CSRNP3: variants seen among roughly 807,000 people sequenced by gnomAD.
CSRNP3 encodes the protein cysteine and serine rich nuclear protein 3.
Under a neutral mutation model 48.0 loss-of-function variants are expected in CSRNP3, and 12 were observed. The observed-to-expected ratio is 0.25, with a 90% confidence interval of 0.16 to 0.41. The LOEUF (loss-of-function observed/expected upper bound fraction) is 0.41. CSRNP3 is among the 10% of genes least tolerant of loss of function. The pLI, the probability that CSRNP3 is intolerant of heterozygous loss-of-function variation, is 1.00. For missense variants in CSRNP3, 580 were observed against 724.4 expected, an observed-to-expected ratio of 0.80 and a Z score of 2.29; for synonymous variants, 263 against 269.7, an observed-to-expected ratio of 0.98 and a Z score of 0.24.
intron 4 of CSRNP3, among the ~76,000 whole-genome samples, chr2:165,634,840 G>A (rs1428470886): frequency 1.3e-5 from 2 of 152,334 alleles, no homozygotes; most frequent in East Asian, 1.9e-4. Flanking sequence ...TCTCACACTG[G>A]TATGGTTGCC....
chr2:165,479,496 A>C (rs751379224), intron 1 of CSRNP3, among the ~76,000 whole-genome samples: 1 of 152,210 alleles, frequency 6.6e-6, no homozygotes, highest in Non-Finnish European at 1.5e-5. Flanking sequence ...TGCCTATCTT[A>C]TATGGCTATG....
rs144317228 is a variant in CSRNP3 at position 165,674,865 on chromosome 2, C to T, written c.409-1447C>T. On this transcript the variant is annotated intron_variant, in intron 5 of 6. Coordinates refer to ENST00000651982, the MANE Select transcript of CSRNP3 (RefSeq NM_001172173.2). ...AGCTGGGACTACAGGCACCCACCAC[C>T]ATGCCCAGCTAATTTTTGTGAATTT... 5.5e-4 allele frequency among the ~76,000 whole-genome samples: 84 copies of T among 151,640 alleles called. No individual in the cohort carries two copies. The East Asian group carries it at 7.2e-3, about 13-fold the overall frequency.
intron 2 of CSRNP3, among the ~76,000 whole-genome samples, chr2:165,513,230 G>A (rs1684531647): frequency 6.6e-6 from 1 of 152,308 alleles, no homozygotes; most frequent in South Asian, 2.1e-4. Flanking sequence ...TGTGCTGGTT[G>A]CAGGCATATT....
intron 3 of CSRNP3, among the ~76,000 whole-genome samples, chr2:165,520,777 T>C (rs1182278186): frequency 2.3e-4 from 3 of 13,002 alleles, no homozygotes. Context: ...ATATTATATA[T>C]ATATATTATA....
chr2:165,539,293 G>A (rs2292609), intron 3 of CSRNP3, among the ~76,000 whole-genome samples: 31,681 of 151,714 alleles, frequency 0.21, 3,638 homozygotes, highest in African/African-American at 0.28. Flanking sequence ...GAATAGACAA[G>A]AATTTGCTTT....
At position 165,574,938 on chromosome 2, in the gene CSRNP3, T is replaced by G. The variant is rs1289272678; in HGVS notation, c.-23-20105T>G. 3.9e-5 allele frequency among the ~76,000 whole-genome samples: 6 copies of G among 152,208 alleles called. No individual in the cohort carries two copies. In the East Asian group the frequency reaches 1.2e-3, roughly 29 times the overall value. On this transcript the variant is annotated intron_variant, in intron 3 of 6. Coordinates refer to ENST00000651982, the MANE Select transcript of CSRNP3 (RefSeq NM_001172173.2). Reference sequence around the variant, plus strand: ...GTTTTGGTTTTGAGGGTTTTTGTTCTATATTTTATTGCCAAATATCTTCTC... The same window carrying G: ...GTTTTGGTTTTGAGGGTTTTTGTTCGATATTTTATTGCCAAATATCTTCTC...
chr2:165,485,524 G>A (rs1008470834), intron 1 of CSRNP3, among the ~76,000 whole-genome samples: 3 of 152,132 alleles, frequency 2.0e-5, no homozygotes, highest in East Asian at 1.9e-4. Flanking sequence ...TAAAGGTTAC[G>A]TTAGGTCTAT....
intron 1 of CSRNP3, among the ~76,000 whole-genome samples, chr2:165,473,506 A>G (rs987779123): frequency 2.0e-5 from 3 of 152,134 alleles, no homozygotes; most frequent in Middle Eastern, 3.2e-3. Context: ...AAAAAATTAC[A>G]TTAACATTTG....
chr2:165,626,451 T>A (rs947341794), intron 4 of CSRNP3, among the ~76,000 whole-genome samples: 2 of 152,286 alleles, frequency 1.3e-5, no homozygotes, highest in East Asian at 3.9e-4. Context: ...ATCCTTACCG[T>A]GTATATGGAT....
chr2:165,597,716 T>C (rs1260880585), intron 4 of CSRNP3, among the ~76,000 whole-genome samples: 1 of 152,168 alleles, frequency 6.6e-6, no homozygotes, highest in East Asian at 1.9e-4. Context: ...ATAGCAAAAG[T>C]ACATGTAATT....
At chr2:165,613,752 G>T (rs1197438829) in intron 4 of CSRNP3, among the ~76,000 whole-genome samples, 1 of 152,068 alleles carries the variant, frequency 6.6e-6, no homozygotes, top group Non-Finnish European at 1.5e-5. Context: ...TGTTCCAGTG[G>T]TCTATGTGTG....
intron 4 of CSRNP3, among the ~76,000 whole-genome samples, chr2:165,656,244 T>G (rs1248617756): frequency 1.3e-5 from 2 of 152,196 alleles, no homozygotes; most frequent in African/African-American, 4.8e-5. Flanking sequence ...CCTGGGTTAC[T>G]TCAATGTAAA....
intron 5 of CSRNP3, among the ~76,000 whole-genome samples, chr2:165,670,364 T>C (rs1016889694): frequency 6.6e-6 from 1 of 152,204 alleles, no homozygotes; most frequent in African/African-American, 2.4e-5. Context: ...CTCCAGTTCA[T>C]TGGGATCAAG....
intron 4 of CSRNP3, among the ~76,000 whole-genome samples, chr2:165,611,083 T>C (rs956088032): frequency 2.6e-5 from 4 of 152,076 alleles, no homozygotes; most frequent in African/African-American, 9.7e-5. Context: ...AAGAAATGGA[T>C]AGTAACCTGA....
chr2:165,591,178 C>G (rs1029198390), intron 3 of CSRNP3, among the ~76,000 whole-genome samples: 9 of 152,102 alleles, frequency 5.9e-5, no homozygotes, highest in African/African-American at 2.2e-4. Context: ...GAGATGGGAA[C>G]TTGTTGGGAA....
chr2:165,544,922 C>T (rs749238960), intron 3 of CSRNP3, among the ~76,000 whole-genome samples: 2 of 151,448 alleles, frequency 1.3e-5, no homozygotes, highest in Non-Finnish European at 2.9e-5. Context: ...TACAATTTAA[C>T]GAAAAGGTTA....
intron 5 of CSRNP3, among the ~76,000 whole-genome samples, chr2:165,668,612 G>A (rs977854786): frequency 6.6e-6 from 1 of 151,906 alleles, no homozygotes; most frequent in African/African-American, 2.4e-5. Flanking sequence ...ATGTTGGCCA[G>A]TCTGGTCTTG....
intron 4 of CSRNP3, among the ~76,000 whole-genome samples, chr2:165,615,888 GTTTTTT>G (rs957235965): frequency 3.7e-4 from 22 of 59,272 alleles, no homozygotes; most frequent in Non-Finnish European, 5.1e-4. Context: ...TGTTTGTGGG[GTTTTTT>G]TTTTTTTTTT....
At chr2:165,570,595 T>TAA (rs199614203) in intron 3 of CSRNP3, among the ~76,000 whole-genome samples, 359 of 143,996 alleles carry the variant, frequency 2.5e-3, no homozygotes, top group East Asian at 7.0e-3. Flanking sequence ...AGTAATGCAG[T>TAA]AAAAAAAAAA....
Sources: gnomAD v4.1 joint callset for allele counts (sites outside exome capture counted in the v4.1 genomes callset) on GRCh38, gnomAD v4.1.1 for gene constraint, MANE v1.5 for transcripts, NCBI Gene and HGNC (gene_info 2026-07-23, HGNC 2026-07-21) for gene names.